Variants in ZFHX3 observed in about 807,000 individuals in gnomAD.
ZFHX3 encodes the protein zinc finger homeobox 3.
Under a neutral mutation model 279.1 loss-of-function variants are expected in ZFHX3, and 42 were observed. That is an observed-to-expected ratio of 0.15 (90% CI 0.12 to 0.19). The LOEUF is 0.19. Ranked by LOEUF, ZFHX3 falls within the 10% of genes least tolerant of loss-of-function variation. ZFHX3 has a pLI of 1.00. For missense variants in ZFHX3, 4,981 were observed against 4,754.0 expected, an observed-to-expected ratio of 1.05 and a Z score of -1.40; for synonymous variants, 2,293 against 1,957.8, an observed-to-expected ratio of 1.17 and a Z score of -4.52.
chr16:73,151,085 C>A (rs1449854595), intron 5 of ZFHX3, among the ~76,000 whole-genome samples: 1 of 152,150 alleles, frequency 6.6e-6, no homozygotes, highest in Non-Finnish European at 1.5e-5. Flanking sequence ...TCACAAAAAA[C>A]CACACACTGA....
intron 2 of ZFHX3, among the ~76,000 whole-genome samples, chr16:73,471,658 A>C: frequency 6.6e-6 from 1 of 152,224 alleles, no homozygotes; most frequent in East Asian, 1.9e-4. Flanking sequence ...GAGGAGTAAA[A>C]GGAGGGCTCA....
At chr16:73,584,516 G>A (rs1395400913) in intron 2 of ZFHX3, among the ~76,000 whole-genome samples, 2 of 152,206 alleles carry the variant, frequency 1.3e-5, no homozygotes, top group East Asian at 1.9e-4. Flanking sequence ...CACTTCAACA[G>A]ATAGTGGGGA....
At chr16:72,854,659 T>C (rs1597313364) in intron 4 of ZFHX3, among the ~76,000 whole-genome samples, 2 of 152,192 alleles carry the variant, frequency 1.3e-5, no homozygotes, top group South Asian at 4.2e-4. Flanking sequence ...AAATGTATTT[T>C]ATAGCAAGAT....
rs769453695 is a variant in ZFHX3 at position 73,266,825 on chromosome 16, C to T, written c.-1193-9689G>A. ...TTGCCTTCTGCCACATAAGATAGGG[C>T]TTTCGCCTTCCGCCATGATTGTGAG... On this transcript the variant is annotated intron_variant, in intron 4 of 17. Transcript: ENST00000641206. 9.3e-4 allele frequency among the ~76,000 whole-genome samples: 142 copies of T among 152,224 alleles called. 2 individuals are homozygous for T. The highest frequency in any genetic ancestry group is 4.6e-4 in the Admixed American group (7 of 15,290).
intron 3 of ZFHX3, among the ~76,000 whole-genome samples, chr16:73,445,301 T>C (rs539871577): frequency 1.2e-4 from 13 of 108,306 alleles, no homozygotes; most frequent in African/African-American, 3.8e-4. Context: ...TATGTATATG[T>C]ATGTGTGTGT....
At chr16:73,819,786 T>C (rs541178426) in intron 1 of ZFHX3, among the ~76,000 whole-genome samples, 1 of 152,276 alleles carries the variant, frequency 6.6e-6, no homozygotes, top group Admixed American at 6.5e-5. Context: ...ATTCAGAATG[T>C]CACCTAGTAT....
intron 1 of ZFHX3, among the ~76,000 whole-genome samples, chr16:73,046,663 T>G (rs1001310351): frequency 1.3e-5 from 2 of 152,104 alleles, no homozygotes; most frequent in African/African-American, 4.8e-5. Flanking sequence ...CTTTAAATTA[T>G]ACACTATTTA....
chr16:72,850,325 G>A (rs77882993), intron 4 of ZFHX3, among the ~76,000 whole-genome samples: 4,426 of 152,288 alleles, frequency 0.029, 462 homozygotes, highest in East Asian at 0.19. Flanking sequence ...TCACTCCTAC[G>A]CTTCAGTACG....
chr16:72,949,567 C>T (rs760151358), intron 3 of ZFHX3, among the ~76,000 whole-genome samples: 3 of 151,774 alleles, frequency 2.0e-5, no homozygotes, highest in Non-Finnish European at 4.4e-5. Context: ...CCTCGGTTGC[C>T]GTCTATGGAG....
At chr16:73,052,417 G>T (rs1032177538), upstream of ZFHX3, among the ~76,000 whole-genome samples, 1 of 151,918 alleles carries the variant, frequency 6.6e-6, no homozygotes, top group Non-Finnish European at 1.5e-5. Flanking sequence ...CACAAGGCAG[G>T]AAGATAGACA....
At chr16:73,462,965 G>A (rs139424123) in intron 2 of ZFHX3, among the ~76,000 whole-genome samples, 113 of 152,250 alleles carry the variant, frequency 7.4e-4, no homozygotes, top group African/African-American at 2.7e-3. Flanking sequence ...GGATGATATT[G>A]AAATTGTGTA....
At chr16:73,427,379 A>G (rs1597331511) in intron 3 of ZFHX3, among the ~76,000 whole-genome samples, 1 of 152,090 alleles carries the variant, frequency 6.6e-6, no homozygotes, top group South Asian at 2.1e-4. Context: ...TGGAGCTATC[A>G]CTGCCTCTGG....
intron 9 of ZFHX3, chr16:72,790,242 ACGAT>A (rs2035641624): frequency 2.0e-5 from 3 of 152,782 alleles, no homozygotes; most frequent in African/African-American, 4.8e-5. Context: ...TGTGTGCTGG[ACGAT>A]GAAAAGCTGA....
intron 5 of ZFHX3, among the ~76,000 whole-genome samples, chr16:73,215,920 G>A (rs2012190260): frequency 6.6e-6 from 1 of 152,008 alleles, no homozygotes; most frequent in South Asian, 2.1e-4. Context: ...GGGTCTACAT[G>A]GAGACCTCAA....
At position 73,834,136 on chromosome 16, in the gene ZFHX3, C is replaced by G. The variant is rs559714602; in HGVS notation, c.-1608+57515G>C. ...GAGCCTCTACGAGTTAAAGGAAACTCAAGGTTGATTCTGGAATGTCTGGAC... is the reference window on the plus strand; with the variant it reads ...GAGCCTCTACGAGTTAAAGGAAACTGAAGGTTGATTCTGGAATGTCTGGAC... On this transcript the variant is annotated intron_variant, in intron 1 of 17. Coordinates refer to the ZFHX3 transcript ENST00000641206. Among the ~76,000 whole-genome samples, 3 of 152,214 alleles carry G rather than the reference C, an allele frequency of 2.0e-5. No individual in the cohort carries two copies. In the South Asian group the frequency reaches 6.2e-4, roughly 32 times the overall value.
intron 2 of ZFHX3, among the ~76,000 whole-genome samples, chr16:73,587,527 C>T (rs2051940113): frequency 6.6e-6 from 1 of 152,186 alleles, no homozygotes; most frequent in Admixed American, 6.5e-5. Flanking sequence ...TTACCAGACA[C>T]ATTCCCAAAT....
intron 7 of ZFHX3, among the ~76,000 whole-genome samples, chr16:72,800,781 C>G (rs973950313): frequency 1.3e-5 from 2 of 152,188 alleles, no homozygotes; most frequent in African/African-American, 4.8e-5. Context: ...TCTGGAGTCT[C>G]TGCCCAAGGT....
At chr16:72,984,372 A>C (rs954114894) in intron 1 of ZFHX3, among the ~76,000 whole-genome samples, 5 of 152,136 alleles carry the variant, frequency 3.3e-5, no homozygotes, top group African/African-American at 2.4e-5. Flanking sequence ...CATGCCTATA[A>C]TCCCAGTACT....
intron 3 of ZFHX3, among the ~76,000 whole-genome samples, chr16:73,337,479 A>G (rs2143246689): frequency 6.6e-6 from 1 of 152,158 alleles, no homozygotes; most frequent in East Asian, 1.9e-4. Context: ...ACTGTTCTCC[A>G]AAGCCTCCTT....
Sources: allele counts gnomAD v4.1 joint callset (sites outside exome capture counted in the v4.1 genomes callset), GRCh38; gene constraint gnomAD v4.1.1; transcripts MANE v1.5; gene names NCBI Gene and HGNC (gene_info 2026-07-23, HGNC 2026-07-21).